The following COL19A1 variants were observed in gnomAD, a reference collection of about 807,000 sequenced individuals.
COL19A1 encodes the protein collagen type XIX alpha 1 chain, also known as collagen alpha-1(XIX) chain.
COL19A1 carries 159 observed loss-of-function variants against 190.2 expected under a neutral mutation model. That is an observed-to-expected ratio of 0.84 (90% CI 0.73 to 0.95). The LOEUF (loss-of-function observed/expected upper bound fraction) is 0.95. Ranked by LOEUF, COL19A1 falls within the 40% of genes least tolerant of loss-of-function variation. COL19A1 has a pLI of 0.00. For synonymous variants in COL19A1, 509 were observed against 458.9 expected (o/e 1.11, Z -1.39); for missense variants, 1,418 against 1,431.9 (o/e 0.99, Z 0.16).
rs140161279 is a variant in COL19A1, at chr6:69,898,976, G to C, written c.120G>C (p.Glu40Asp). The C allele has an allele frequency of 1.2e-6, 2 of 1,612,002 alleles. No individual in the cohort carries two copies. The highest frequency in any genetic ancestry group is 1.7e-6 in the Non-Finnish European group (2 of 1,178,558). Residue 40 changes from glutamate (E) to aspartate (D), a missense_variant, in exon 3 of 51, where the codon GAG becomes GAC. Coordinates refer to ENST00000620364, the MANE Select transcript of COL19A1 (RefSeq NM_001858.6). The stretch of plus-strand genomic sequence containing the variant: ...AGTCATGCCCTATCCTGAGAATAGA[G>C]GGACATCAGCTGACATATGACAACA... ...TEESCPILRI[E>D]GHQLTYDNIN...
intron 16 of COL19A1, among the ~76,000 whole-genome samples, chr6:70,110,342 T>G (rs1480322308): frequency 6.6e-6 from 1 of 152,168 alleles, no homozygotes; most frequent in Non-Finnish European, 1.5e-5. Context: ...ATCTCTTCTG[T>G]TAAATGACTA....
At chr6:70,118,200 A>G (rs964604112) in intron 16 of COL19A1, among the ~76,000 whole-genome samples, 3 of 152,216 alleles carry the variant, frequency 2.0e-5, no homozygotes, top group African/African-American at 7.2e-5. Flanking sequence ...CATATTTCAT[A>G]CCAGAATAGA....
At chr6:70,179,720 T>A (rs1766044443) in intron 42 of COL19A1, among the ~76,000 whole-genome samples, 1 of 152,188 alleles carries the variant, frequency 6.6e-6, no homozygotes, top group African/African-American at 2.4e-5. Context: ...CCAATAATGA[T>A]GATACTTTGG....
chr6:70,164,183 T>C lies in COL19A1; in HGVS notation c.2400+787T>C, dbSNP rs1030715072. 3.1e-4 allele frequency among the ~76,000 whole-genome samples: 47 copies of C among 152,166 alleles called. 1 individual carries two copies. The highest frequency in any genetic ancestry group is 1.9e-4 in the African/African-American group (8 of 41,436). On this transcript the variant is annotated intron_variant, in intron 36 of 50. Transcript: ENST00000620364. Reference sequence around the variant, plus strand: ...CTTGTTTCCTGGGGAGATCAGTTATTGGACAGATGGGTTGCCATGGTCAGA... The same window carrying C: ...CTTGTTTCCTGGGGAGATCAGTTATCGGACAGATGGGTTGCCATGGTCAGA...
At chr6:69,902,564 C>G (rs1249976459) in intron 4 of COL19A1, among the ~76,000 whole-genome samples, 1 of 152,174 alleles carries the variant, frequency 6.6e-6, no homozygotes, top group Non-Finnish European at 1.5e-5. Context: ...AAATACAAGT[C>G]ACCTTTTATC....
chr6:70,198,658 T>C (rs973966820), intron 48 of COL19A1, among the ~76,000 whole-genome samples: 3 of 152,242 alleles, frequency 2.0e-5, no homozygotes, highest in African/African-American at 7.2e-5. Flanking sequence ...TAATTTCATA[T>C]AGTAGTAAAA....
chr6:70,143,599 C>T (rs1384462213), intron 23 of COL19A1, among the ~76,000 whole-genome samples: 1 of 151,974 alleles, frequency 6.6e-6, no homozygotes, highest in Non-Finnish European at 1.5e-5. Flanking sequence ...TCCATGCTCA[C>T]CGCTTGAGCC....
chr6:70,123,250 A>G (rs1481648344), intron 17 of COL19A1, among the ~76,000 whole-genome samples: 1 of 152,128 alleles, frequency 6.6e-6, no homozygotes, highest in Non-Finnish European at 1.5e-5. Context: ...AATCAAAACC[A>G]CAGTGAGATA....
In COL19A1 at chr6:70,180,537, A is replaced by C; in HGVS notation, c.2775+14A>C. 2 of 1,613,452 alleles carry C rather than the reference A, an allele frequency of 1.2e-6. No homozygotes were observed. Among genetic ancestry groups the C allele is most frequent in the East Asian group, 2.2e-5 (1 of 44,844 alleles). On this transcript the variant is annotated intron_variant, in intron 44 of 50. Coordinates refer to ENST00000620364, the MANE Select transcript of COL19A1 (RefSeq NM_001858.6). ...TCAGGAAAGCCAGTAAGTACTTCTT[A>C]CTACTTAAAATATGCCACCTAGAGA...
In COL19A1 at chr6:70,142,716, T is replaced by G. The variant is rs184738912; in HGVS notation, c.1573-51T>G. On this transcript the variant is annotated intron_variant, in intron 22 of 50. Coordinates refer to ENST00000620364, the MANE Select transcript of COL19A1 (RefSeq NM_001858.6). ...TACAAATACTCAGGTACAATCTATC[T>G]TTTTTTTTCTTTTTTAGCAAAGCTA... The G allele has an allele frequency of 2.2e-6, 3 of 1,380,336 alleles. No individual in the cohort carries two copies. In the African/African-American group the frequency reaches 8.1e-5, roughly 37 times the overall value. 85.5% of individuals were successfully genotyped at this position (1,380,336 alleles called of 1,614,324 possible). A position where few individuals can be genotyped will look rare whatever the true frequency, so the allele number is the denominator to read the frequency against.
rs771562232 is a variant in COL19A1, at chr6:70,190,344, G to T, written c.3057G>T (p.Lys1019Asn). 3.7e-6 allele frequency: 6 copies of T among 1,605,976 alleles called. No individual in the cohort carries two copies. The South Asian group carries it at 6.7e-5, about 18-fold the overall frequency. Residue 1019 changes from lysine to asparagine, a missense_variant, in exon 48 of 51, where the codon AAG becomes AAT. Transcript: ENST00000620364. Reference protein sequence around the residue: ...PADAVSFEEIKKYINQEVLRI... With the variant: ...PADAVSFEEINKYINQEVLRI... ...ATGCAGTTTCATTTGAAGAAATAAA[G>T]AAGTATATTAATCAAGAGGTCCTAA...
At chr6:69,879,442 C>T (rs1034479440) in intron 1 of COL19A1, 94 bp from the exon 2 acceptor site, 8 of 671,532 alleles carry the variant, frequency 1.2e-5, no homozygotes, top group East Asian at 2.7e-5. Flanking sequence ...TATGATGTAA[C>T]GTTGATTGGT....
chr6:69,938,217 T>A, intron 9 of COL19A1, 117 bp downstream of exon 9: 1 of 934,900 alleles, frequency 1.1e-6, no homozygotes, highest in Non-Finnish European at 1.6e-6. Flanking sequence ...TAAAAGGCTA[T>A]CAAAGACTAT....
chr6:70,084,300 G>A (rs1782454343), intron 15 of COL19A1, among the ~76,000 whole-genome samples: 1 of 152,116 alleles, frequency 6.6e-6, no homozygotes, highest in Non-Finnish European at 1.5e-5. Context: ...ATTTAAAGAA[G>A]TTAATATGAC....
chr6:69,909,498 C>G (rs1314790840), intron 4 of COL19A1, among the ~76,000 whole-genome samples: 1 of 151,996 alleles, frequency 6.6e-6, no homozygotes, highest in East Asian at 1.9e-4. Flanking sequence ...GGGATTTAAA[C>G]TAGGCTTTGA....
At chr6:70,151,665 G>T (rs959526403) in intron 31 of COL19A1, among the ~76,000 whole-genome samples, 1 of 152,076 alleles carries the variant, frequency 6.6e-6, no homozygotes, top group Non-Finnish European at 1.5e-5. Context: ...TTTGGGTGGG[G>T]CAGGGGTGGA....
chr6:69,898,041 G>A (rs1356376277), intron 2 of COL19A1, among the ~76,000 whole-genome samples: 1 of 151,984 alleles, frequency 6.6e-6, no homozygotes, highest in Non-Finnish European at 1.5e-5. Context: ...TTTCAATTTG[G>A]TTTTAAGTAG....
intron 41 of COL19A1, among the ~76,000 whole-genome samples, chr6:70,172,646 T>G (rs1404469210): frequency 1.3e-5 from 2 of 152,198 alleles, no homozygotes; most frequent in Non-Finnish European, 2.9e-5. Context: ...TGTCTAAAAT[T>G]GTCTAGCAAG....
intron 11 of COL19A1, among the ~76,000 whole-genome samples, chr6:69,970,383 A>T (rs1290569197): frequency 6.6e-6 from 1 of 152,204 alleles, no homozygotes; most frequent in Non-Finnish European, 1.5e-5. Context: ...TAAAAATCTT[A>T]ATTAGAATGG....
Sources: gnomAD v4.1 joint callset for allele counts (sites outside exome capture counted in the v4.1 genomes callset) on GRCh38, gnomAD v4.1.1 for gene constraint, MANE v1.5 for transcripts, NCBI Gene and HGNC (gene_info 2026-07-23, HGNC 2026-07-21) for gene names.